ABCB11: variants seen among roughly 807,000 people sequenced by gnomAD.
The protein encoded by ABCB11 is bile salt export pump.
Under a neutral mutation model 148.0 loss-of-function variants are expected in ABCB11, and 95 were observed. The observed-to-expected ratio is 0.64, with a 90% CI of 0.54 to 0.76. The LOEUF is 0.76. Among genes scored for constraint, ABCB11 ranks in the 30% least tolerant of loss-of-function variants. ABCB11 has a pLI of 0.00. For missense variants in ABCB11, 1,523 were observed against 1,617.8 expected (o/e 0.94, Z 1.01); for synonymous variants, 591 against 555.4 (o/e 1.06, Z -0.90).
intron 22 of ABCB11, among the ~76,000 whole-genome samples, chr2:168,935,765 C>G (rs1691790423): frequency 6.6e-6 from 1 of 152,170 alleles, no homozygotes; most frequent in African/African-American, 2.4e-5. Context: ...GTTCATAATT[C>G]TGGTTGGGAA....
At chr2:168,933,819 A>C in intron 23 of ABCB11, among the ~76,000 whole-genome samples, 1 of 152,142 alleles carries the variant, frequency 6.6e-6, no homozygotes, top group South Asian at 2.1e-4. Flanking sequence ...ATCTCAGCTC[A>C]CTGTAGCCTC....
chr2:169,010,473 TA>T (rs1695148360), intron 5 of ABCB11, among the ~76,000 whole-genome samples: 1 of 152,182 alleles, frequency 6.6e-6, no homozygotes, highest in African/African-American at 2.4e-5. Context: ...ACCAATATAA[TA>T]AAATAGTAAA....
chr2:169,010,482 A>G (rs942725363), intron 5 of ABCB11, among the ~76,000 whole-genome samples: 1 of 152,222 alleles, frequency 6.6e-6, no homozygotes, highest in African/African-American at 2.4e-5. Context: ...ATAAAATAGT[A>G]AAACCAGCTC....
intron 11 of ABCB11, 85 bp from the exon 12 acceptor site, chr2:168,976,772 T>C: frequency 2.5e-6 from 2 of 805,600 alleles, no homozygotes; most frequent in Non-Finnish European, 2.1e-6. Flanking sequence ...AATAAACATC[T>C]TTGGCGTATC....
intron 21 of ABCB11, among the ~76,000 whole-genome samples, chr2:168,943,189 T>C (rs765812454): frequency 2.6e-5 from 4 of 151,936 alleles, no homozygotes; most frequent in Non-Finnish European, 5.9e-5. Flanking sequence ...ATAGAAGAGA[T>C]AAGATTATGA....
chr2:168,986,255 C>A lies in ABCB11; in HGVS notation c.938G>T (p.Arg313Leu). 1 of 1,612,968 alleles carries A rather than the reference C, an allele frequency of 6.2e-7. No individual in the cohort carries two copies. The highest frequency in any genetic ancestry group is 8.5e-7 in the Non-Finnish European group (1 of 1,179,518). ...CACTATTCCTTTTCTAATTCCCCAA[C>A]GCTGGGCGAACACAAGATTTTTCTC... Reference protein sequence around the residue: ...RYEKNLVFAQRWGIRKGIVMG... With the variant: ...RYEKNLVFAQLWGIRKGIVMG... Residue 313 changes from arginine to leucine, a missense_variant, in exon 10 of 28, where the codon CGT (arginine) becomes CTT (leucine). Transcript: ENST00000650372.
rs1206831603 is a variant in ABCB11, at chr2:169,017,534, G to C, written c.76+516C>G. Among the ~76,000 whole-genome samples, 3 of 152,110 alleles carry C rather than the reference G, an allele frequency of 2.0e-5. No individual in the cohort carries two copies. The East Asian group carries it at 5.8e-4, about 29-fold the overall frequency. Reference sequence around the variant, plus strand: ...CATTAATTTTACTCATGAGTTCCTTGCCAAGTTTCAAAAACATATCCAAGT... The same window carrying C: ...CATTAATTTTACTCATGAGTTCCTTCCCAAGTTTCAAAAACATATCCAAGT... On this transcript the variant is annotated intron_variant, in intron 2 of 27. Transcript: ENST00000650372.
intron 8 of ABCB11, among the ~76,000 whole-genome samples, chr2:168,991,352 T>C (rs1694515156): frequency 1.3e-5 from 2 of 152,052 alleles, no homozygotes. Context: ...ACATATAAAG[T>C]ATAGGCATGA....
chr2:168,958,234 G>A (rs1692889746), intron 18 of ABCB11, 106 bp from the exon 19 acceptor site: 1 of 1,084,872 alleles, frequency 9.2e-7, no homozygotes, highest in Non-Finnish European at 1.4e-6. Flanking sequence ...GATTAGTTAT[G>A]AGTGACCTCA....
intron 19 of ABCB11, among the ~76,000 whole-genome samples, chr2:168,955,145 A>G (rs1335570911): frequency 6.6e-6 from 1 of 151,582 alleles, no homozygotes; most frequent in Non-Finnish European, 1.5e-5. Context: ...TTTCTCATTC[A>G]TATCCTGAAT....
In ABCB11 at chr2:168,936,291, T is replaced by C; in HGVS notation, c.2753A>G (p.Gln918Arg). 6.2e-7 allele frequency: 1 copy of C among 1,613,972 alleles called. No individual in the cohort carries two copies. The highest frequency in any genetic ancestry group is 8.5e-7 in the Non-Finnish European group (1 of 1,179,882). Residue 918 changes from glutamine (Q) to arginine (R), a missense_variant, in exon 22 of 28, where the codon CAG becomes CGG. Coordinates refer to ENST00000650372, the MANE Select transcript of ABCB11 (RefSeq NM_003742.4). ...GGCAAATCCTGTCAACATCCTGGTC[T>C]GTGTGGCTCCTGATAAAGCCAAGAA... ...FPFLALSGAT[Q>R]TRMLTGFASR... is the part of the protein sequence containing the mutation.
intron 12 of ABCB11, among the ~76,000 whole-genome samples, chr2:168,974,331 T>G (rs1231261254): frequency 3.3e-5 from 5 of 152,032 alleles, no homozygotes; most frequent in Non-Finnish European, 7.4e-5. Flanking sequence ...TTGAATAAAC[T>G]TACTTAATAA....
chr2:169,011,182 A>C (rs1295262889), intron 5 of ABCB11, among the ~76,000 whole-genome samples: 2 of 152,178 alleles, frequency 1.3e-5, no homozygotes, highest in Non-Finnish European at 2.9e-5. Flanking sequence ...TCTCACATTT[A>C]TTTCCAAATT....
At chr2:168,918,675 C>G (rs963151172), downstream of ABCB11, among the ~76,000 whole-genome samples, 3 of 152,148 alleles carry the variant, frequency 2.0e-5, no homozygotes, top group Non-Finnish European at 4.4e-5. Context: ...CTTATTTGAC[C>G]TTTACCCCAT....
At chr2:168,955,274 T>TA (rs1373785135) in intron 19 of ABCB11, among the ~76,000 whole-genome samples, 1 of 151,716 alleles carries the variant, frequency 6.6e-6, no homozygotes, top group African/African-American at 2.4e-5. Context: ...TTGGTATCTC[T>TA]ATTAAACTGT....
intron 10 of ABCB11, among the ~76,000 whole-genome samples, chr2:168,981,483 G>A (rs930803393): frequency 5.1e-4 from 77 of 152,116 alleles, no homozygotes; most frequent in African/African-American, 1.8e-3. Context: ...ATTATTACAG[G>A]ATCAAATGAG....
downstream of ABCB11, among the ~76,000 whole-genome samples, chr2:168,919,247 G>T (rs1286740215): frequency 6.6e-6 from 1 of 151,998 alleles, no homozygotes; most frequent in Admixed American, 6.6e-5. Flanking sequence ...TGAGTCATAA[G>T]GTAAAATAAA....
chr2:168,935,609 A>C (rs957267441), intron 22 of ABCB11, among the ~76,000 whole-genome samples, 184 bp from the exon 23 acceptor site: 1 of 152,218 alleles, frequency 6.6e-6, no homozygotes, highest in Non-Finnish European at 1.5e-5. Context: ...ACAATTTTTC[A>C]GTTAAATTCA....
In ABCB11 at chr2:169,029,104, G is replaced by A. The variant is rs150370928; in HGVS notation, c.-28+2121C>T. Among the ~76,000 whole-genome samples the A allele has an allele frequency of 4.6e-5, 7 of 152,028 alleles. No individual in the cohort carries two copies. The East Asian group carries it at 1.4e-3, about 30-fold the overall frequency. ...ATCACACTGTGAATATTCTGATCAT[G>A]TGAGGGTCCCTCCACGGCTTTTCTC... On this transcript the variant is annotated intron_variant, in intron 1 of 27. Coordinates refer to ENST00000650372, the MANE Select transcript of ABCB11 (RefSeq NM_003742.4).
Sources: allele counts gnomAD v4.1 joint callset (sites outside exome capture counted in the v4.1 genomes callset), GRCh38; gene constraint gnomAD v4.1.1; transcripts MANE v1.5; gene names NCBI Gene and HGNC (gene_info 2026-07-23, HGNC 2026-07-21).